ATXN2: variants seen among roughly 807,000 people sequenced by gnomAD.
ATXN2 encodes the protein ataxin 2.
A neutral mutation model predicts 138.6 loss-of-function variants in ATXN2; 37 were observed. That is an observed-to-expected ratio of 0.27 (90% CI 0.21 to 0.35). The LOEUF (loss-of-function observed/expected upper bound fraction) is 0.35. ATXN2 is among the 10% of genes least tolerant of loss of function. ATXN2 has a pLI of 1.00. For synonymous variants in ATXN2, 549 were observed against 543.7 expected (o/e 1.01, Z -0.13); for missense variants, 1,216 against 1,480.3 (o/e 0.82, Z 2.93).
intron 15 of ATXN2, among the ~76,000 whole-genome samples, chr12:111,487,374 A>G (rs1363669359): frequency 6.6e-6 from 1 of 151,916 alleles, no homozygotes; most frequent in Non-Finnish European, 1.5e-5. Context: ...CGCCTGGCCA[A>G]TCAACAAACA....
At chr12:111,592,058 G>C (rs1195754050) in intron 1 of ATXN2, among the ~76,000 whole-genome samples, 2 of 149,908 alleles carry the variant, frequency 1.3e-5, no homozygotes, top group East Asian at 1.9e-4. Flanking sequence ...CTCCAGCCTG[G>C]GAAAGAGCAA....
At chr12:111,500,485 T>C (rs577435677) in intron 14 of ATXN2, among the ~76,000 whole-genome samples, 2 of 151,854 alleles carry the variant, frequency 1.3e-5, no homozygotes, top group Non-Finnish European at 2.9e-5. Context: ...AGAAGGGAAA[T>C]GAGGTGATTA....
chr12:111,469,843 T>C (rs1050145069), intron 20 of ATXN2: 9 of 425,712 alleles, frequency 2.1e-5, no homozygotes, highest in Non-Finnish European at 3.7e-5. Flanking sequence ...AAGGTACCTT[T>C]CTCCACAAAG....
At chr12:111,564,116 G>A (rs977534658) in intron 1 of ATXN2, among the ~76,000 whole-genome samples, 22 of 152,038 alleles carry the variant, frequency 1.4e-4, no homozygotes, top group Non-Finnish European at 1.9e-4. Flanking sequence ...AGCCCCCAAA[G>A]GCACATTGTG....
At chr12:111,523,426 T>C (rs773080361) in intron 6 of ATXN2, among the ~76,000 whole-genome samples, 8 of 151,696 alleles carry the variant, frequency 5.3e-5, no homozygotes, top group Non-Finnish European at 7.4e-5. Context: ...TTTTTCACTA[T>C]TAGAAATAAT....
intron 18 of ATXN2, among the ~76,000 whole-genome samples, chr12:111,477,391 A>T (rs944221349): frequency 1.3e-5 from 2 of 152,092 alleles, no homozygotes; most frequent in Non-Finnish European, 2.9e-5. Flanking sequence ...AATGGAAAAC[A>T]GAGGCTGGTG....
intron 5 of ATXN2, among the ~76,000 whole-genome samples, chr12:111,529,774 T>C (rs1429603899): frequency 6.6e-6 from 1 of 152,208 alleles, no homozygotes; most frequent in East Asian, 1.9e-4. Context: ...TCATTCAAAC[T>C]TGTCTGAGCA....
At chr12:111,590,697 A>C in intron 1 of ATXN2, among the ~76,000 whole-genome samples, 1 of 133,656 alleles carries the variant, frequency 7.5e-6, no homozygotes, top group African/African-American at 4.1e-5. Flanking sequence ...AAAAAAAAAA[A>C]AACAGGCCTG....
chr12:111,570,330 T>C (rs1298911279), intron 1 of ATXN2, among the ~76,000 whole-genome samples: 3 of 152,096 alleles, frequency 2.0e-5, no homozygotes, highest in South Asian at 4.2e-4. Flanking sequence ...TGAAACAACG[T>C]TGGCCATTTA....
At chr12:111,550,964 G>A (rs1037601281) in intron 5 of ATXN2, among the ~76,000 whole-genome samples, 7 of 152,118 alleles carry the variant, frequency 4.6e-5, no homozygotes, top group Non-Finnish European at 1.0e-4. Context: ...ACAGAATTAC[G>A]TATTTCACTA....
intron 3 of ATXN2, 143 bp from the exon 4 acceptor site, chr12:111,553,120 A>G (rs1882205222): frequency 4.2e-6 from 2 of 471,562 alleles, no homozygotes; most frequent in Non-Finnish European, 7.2e-6. Context: ...AAATTTCAAA[A>G]CATTAACAAT....
chr12:111,513,672 G>C, intron 10 of ATXN2, 133 bp from the exon 11 acceptor site: 1 of 469,980 alleles, frequency 2.1e-6, no homozygotes. Flanking sequence ...GTTAAAAATA[G>C]AAAAAAAAAA....
chr12:111,498,841 A>T (rs1310375899), intron 14 of ATXN2, among the ~76,000 whole-genome samples: 1 of 152,222 alleles, frequency 6.6e-6, no homozygotes, highest in Non-Finnish European at 1.5e-5. Flanking sequence ...TGGTACTGGC[A>T]TAAAAAAAGA....
intron 14 of ATXN2, among the ~76,000 whole-genome samples, chr12:111,493,418 C>CAAAA (rs59185968): frequency 7.7e-4 from 35 of 45,572 alleles, no homozygotes; most frequent in Non-Finnish European, 1.0e-3. Context: ...GACTCTGTCT[C>CAAAA]AAAAAAAAAA....
intron 21 of ATXN2, chr12:111,458,167 A>C (rs1032074597): frequency 1.3e-5 from 2 of 150,550 alleles, no homozygotes; most frequent in African/African-American, 5.0e-5. Flanking sequence ...TTTTTTTTTG[A>C]GATATAAGTC....
At chr12:111,478,818 C>T (rs1332845625) in intron 18 of ATXN2, among the ~76,000 whole-genome samples, 1 of 151,760 alleles carries the variant, frequency 6.6e-6, no homozygotes, top group Non-Finnish European at 1.5e-5. Flanking sequence ...ACCAGCCTGG[C>T]CAACGTGGTG....
At position 111,599,021 on chromosome 12, in the gene ATXN2, G is replaced by C; in HGVS notation, c.14C>G (p.Pro5Arg). Reference protein sequence around the residue: MSLKPQQQQQQQQQQ... With the variant: MSLKRQQQQQQQQQQ... The stretch of plus-strand genomic sequence containing the variant: ...CTGCTGCTGCTGCTGCTGCTGCTGG[G>C]GCTTCAGCGACATGGTGAGGGGCCC... Residue 5 changes from proline (P) to arginine (R), a missense_variant, in exon 1 of 25, where the codon CCC becomes CGC. By Grantham distance (103) the Pro-to-Arg change is moderately radical. This residue lies in a region of ATXN2 where 110 missense variants were observed against 88.7 expected (regional missense o/e 1.24). Coordinates refer to ENST00000673436, the MANE Select transcript of ATXN2 (RefSeq NM_001372574.1). 1 of 1,490,736 alleles carries C rather than the reference G, an allele frequency of 6.7e-7. No homozygotes were observed. Among genetic ancestry groups the C allele is most frequent in the Non-Finnish European group, 8.9e-7 (1 of 1,121,816 alleles). 92.3% of individuals were successfully genotyped at this position (1,490,736 alleles called of 1,614,324 possible).
chr12:111,560,759 A>C (rs867643557), intron 1 of ATXN2, among the ~76,000 whole-genome samples: 51 of 152,022 alleles, frequency 3.4e-4, no homozygotes, highest in Admixed American at 2.0e-3. Context: ...TCAACAACAA[A>C]AAAAAAAACG....
intron 14 of ATXN2, among the ~76,000 whole-genome samples, chr12:111,503,395 G>A (rs1023372706): frequency 6.6e-6 from 1 of 152,134 alleles, no homozygotes; most frequent in Admixed American, 6.6e-5. Flanking sequence ...AATATACACA[G>A]TGCAGATACA....
Sources: gnomAD v4.1 joint callset for allele counts (sites outside exome capture counted in the v4.1 genomes callset) on GRCh38, gnomAD v4.1.1 for gene constraint, gnomAD v4.1.1 regional missense constraint, MANE v1.5 for transcripts, NCBI Gene and HGNC (gene_info 2026-07-23, HGNC 2026-07-21) for gene names.